Variants in SUPT3H observed in about 807,000 individuals in gnomAD.
SUPT3H encodes transcription initiation protein SPT3 homolog.
A neutral mutation model predicts 44.3 loss-of-function variants in SUPT3H; 44 were observed. The ratio of observed to expected loss-of-function variants is 0.99; its 90% CI spans 0.78 to 1.28. The LOEUF (loss-of-function observed/expected upper bound fraction) is 1.28, where lower values mean the gene tolerates loss of function less well. Among genes scored for constraint, SUPT3H ranks in the 50% most tolerant of loss-of-function variants. The pLI, the probability that SUPT3H is intolerant of heterozygous loss-of-function variation, is 0.00. For synonymous variants in SUPT3H, 124 were observed against 125.6 expected, an observed-to-expected ratio of 0.99 and a Z score of 0.09; for missense variants, 380 against 387.1, an observed-to-expected ratio of 0.98 and a Z score of 0.15.
intron 2 of SUPT3H, among the ~76,000 whole-genome samples, chr6:45,268,148 CTTCTT>C (rs2153660448): frequency 6.6e-6 from 1 of 152,198 alleles, no homozygotes; most frequent in South Asian, 2.1e-4. Flanking sequence ...CAATTAGTTC[CTTCTT>C]TTATCTGGAA....
At chr6:44,934,699 G>A (rs3857589) in intron 9 of SUPT3H, among the ~76,000 whole-genome samples, 15,409 of 152,206 alleles carry the variant, frequency 0.1, 1,040 homozygotes, top group Admixed American at 0.18. Context: ...AGGTTTGGGT[G>A]AACAGATGAC....
intron 2 of SUPT3H, among the ~76,000 whole-genome samples, chr6:45,288,717 G>A (rs1281035310): frequency 2.0e-5 from 3 of 150,100 alleles, no homozygotes; most frequent in Non-Finnish European, 4.4e-5. Flanking sequence ...CACACTGTGG[G>A]ATACTTTAAT....
chr6:45,292,103 C>T (rs1465477219), intron 2 of SUPT3H, among the ~76,000 whole-genome samples: 1 of 152,100 alleles, frequency 6.6e-6, no homozygotes, highest in Non-Finnish European at 1.5e-5. Flanking sequence ...AGCAGAAACC[C>T]TACAAGCTAG....
chr6:45,014,732 C>T, intron 5 of SUPT3H, 69 bp downstream of exon 5: 2 of 1,095,464 alleles, frequency 1.8e-6, no homozygotes, highest in East Asian at 5.4e-5. Flanking sequence ...ATTGGAATTG[C>T]ATAAATGTGT....
chr6:45,358,683 G>A (rs1406498541), intron 2 of SUPT3H, among the ~76,000 whole-genome samples: 3 of 152,124 alleles, frequency 2.0e-5, no homozygotes, highest in African/African-American at 4.8e-5. Context: ...CAGGTTCACA[G>A]TCTCTTATCT....
In SUPT3H at chr6:45,290,957, G is replaced by A. The variant is rs576572411; in HGVS notation, c.101+74244C>T. ...TGGACAGAGCAGCATGTGGAGGCTC[G>A]CATCATGAATTTTTGCTCCAGAACG... On this transcript the variant is annotated intron_variant, in intron 2 of 10. Coordinates refer to ENST00000371459, the MANE Select transcript of SUPT3H (RefSeq NM_003599.4). Among the ~76,000 whole-genome samples the A allele has an allele frequency of 1.2e-3, 181 of 152,224 alleles. 2 individuals are homozygous for A. Among genetic ancestry groups the A allele is most frequent in the Middle Eastern group, 0.01 (3 of 294 alleles).
At position 44,970,624 on chromosome 6, in the gene SUPT3H, T is replaced by C. The variant is rs188821869; in HGVS notation, c.505-8796A>G. On this transcript the variant is annotated intron_variant, in intron 6 of 10. Transcript: ENST00000371459. ...TTGGCTATATATAAAAAAGTGAACATGCTAGTTTAATATGTATAAAATCTT... is the reference window on the plus strand; with the variant it reads ...TTGGCTATATATAAAAAAGTGAACACGCTAGTTTAATATGTATAAAATCTT... Among the ~76,000 whole-genome samples the C allele has an allele frequency of 8.5e-5, 13 of 152,156 alleles. No individual in the cohort carries two copies. In the East Asian group the frequency reaches 2.5e-3, roughly 29 times the overall value.
chr6:45,050,645 C>T (rs963220331), intron 3 of SUPT3H, among the ~76,000 whole-genome samples: 1 of 152,012 alleles, frequency 6.6e-6, no homozygotes, highest in Admixed American at 6.6e-5. Context: ...TGTTTTAAAG[C>T]CTCACGGAAG....
chr6:45,351,449 G>A (rs1390161378), intron 2 of SUPT3H, among the ~76,000 whole-genome samples: 1 of 152,076 alleles, frequency 6.6e-6, no homozygotes, highest in African/African-American at 2.4e-5. Flanking sequence ...AAAGATCACT[G>A]TAACATAGTA....
chr6:45,165,901 A>C (rs1174822571), intron 2 of SUPT3H, among the ~76,000 whole-genome samples: 1 of 152,222 alleles, frequency 6.6e-6, no homozygotes, highest in East Asian at 1.9e-4. Flanking sequence ...TAATCCCAGA[A>C]AGAGAAGAAA....
At chr6:44,880,787 G>C (rs1043439553) in intron 10 of SUPT3H, among the ~76,000 whole-genome samples, 1 of 152,142 alleles carries the variant, frequency 6.6e-6, no homozygotes, top group Non-Finnish European at 1.5e-5. Context: ...CATTCTTAAA[G>C]AAAAGAATTT....
chr6:44,842,564 A>C (rs1351059517), intron 10 of SUPT3H, among the ~76,000 whole-genome samples: 2 of 152,182 alleles, frequency 1.3e-5, no homozygotes, highest in Non-Finnish European at 2.9e-5. Flanking sequence ...AGAGTAAGAC[A>C]TTACCAACTA....
intron 10 of SUPT3H, among the ~76,000 whole-genome samples, chr6:44,901,803 C>T (rs2153448544): frequency 6.6e-6 from 1 of 152,248 alleles, no homozygotes; most frequent in East Asian, 1.9e-4. Context: ...AAGGGAAGCC[C>T]ATCAGACTAA....
At chr6:44,831,459 T>G (rs1364730435) in intron 10 of SUPT3H, among the ~76,000 whole-genome samples, 1 of 152,164 alleles carries the variant, frequency 6.6e-6, no homozygotes, top group African/African-American at 2.4e-5. Flanking sequence ...TAGGGTGTCT[T>G]CCCACAACCA....
chr6:45,069,789 T>G (rs1413798968), intron 3 of SUPT3H, among the ~76,000 whole-genome samples: 1 of 152,142 alleles, frequency 6.6e-6, no homozygotes, highest in African/African-American at 2.4e-5. Context: ...CGAATTGGTT[T>G]TATTTTTTCA....
chr6:45,196,823 A>G (rs949813803), intron 2 of SUPT3H, among the ~76,000 whole-genome samples: 15 of 152,048 alleles, frequency 9.9e-5, no homozygotes, highest in African/African-American at 3.4e-4. Flanking sequence ...TACTGATAAA[A>G]GATGAGAATA....
intron 3 of SUPT3H, among the ~76,000 whole-genome samples, chr6:45,039,860 T>C (rs899002428): frequency 9.2e-5 from 14 of 151,654 alleles, no homozygotes; most frequent in African/African-American, 3.4e-4. Context: ...AAAAAAAATT[T>C]TGCTAGATAA....
chr6:45,189,135 A>G (rs918731053), intron 2 of SUPT3H, among the ~76,000 whole-genome samples: 1 of 152,188 alleles, frequency 6.6e-6, no homozygotes, highest in African/African-American at 2.4e-5. Context: ...CTTAAAAAAA[A>G]TAAAATAAAA....
chr6:45,134,989 C>T (rs1216081590), intron 2 of SUPT3H, among the ~76,000 whole-genome samples: 2 of 152,134 alleles, frequency 1.3e-5, no homozygotes, highest in Non-Finnish European at 2.9e-5. Context: ...TCACCTTGGC[C>T]CCAAATGTCT....
Sources: allele counts gnomAD v4.1 joint callset (sites outside exome capture counted in the v4.1 genomes callset), GRCh38; gene constraint gnomAD v4.1.1; transcripts MANE v1.5; gene names NCBI Gene and HGNC (gene_info 2026-07-23, HGNC 2026-07-21).